KCMF1: variants seen among roughly 807,000 people sequenced by gnomAD.
KCMF1 encodes E3 ubiquitin-protein ligase KCMF1.
Under a neutral mutation model 41.1 loss-of-function variants are expected in KCMF1, and 3 were observed. The ratio of observed to expected loss-of-function variants is 0.07; its 90% CI spans 0.03 to 0.19. The LOEUF is 0.19. Ranked by LOEUF, KCMF1 falls within the 10% of genes least tolerant of loss-of-function variation. KCMF1 has a pLI of 1.00. For missense variants in KCMF1, 286 were observed against 488.9 expected (o/e 0.58, Z 3.91); for synonymous variants, 142 against 164.5 (o/e 0.86, Z 1.04).
intron 1 of KCMF1, among the ~76,000 whole-genome samples, chr2:84,980,476 C>T (rs1173565603): frequency 6.6e-6 from 1 of 152,198 alleles, no homozygotes; most frequent in Non-Finnish European, 1.5e-5. Context: ...CCTTGTTAGG[C>T]ACCTTCCACC....
intron 1 of KCMF1, among the ~76,000 whole-genome samples, chr2:84,992,464 C>T (rs1439768915): frequency 6.6e-6 from 1 of 152,034 alleles, no homozygotes; most frequent in African/African-American, 2.4e-5. Context: ...CCATGTTGGC[C>T]AGGCTGGTCT....
intron 1 of KCMF1, among the ~76,000 whole-genome samples, chr2:85,002,326 A>T (rs1279984839): frequency 6.6e-6 from 1 of 152,182 alleles, no homozygotes; most frequent in African/African-American, 2.4e-5. Context: ...TTAATCTTTG[A>T]CCATAACGCA....
chr2:84,994,102 C>T (rs1419798344), intron 1 of KCMF1, among the ~76,000 whole-genome samples: 1 of 151,924 alleles, frequency 6.6e-6, no homozygotes, highest in Non-Finnish European at 1.5e-5. Flanking sequence ...CACTCGCCAC[C>T]ATGCCCGGCT....
intron 1 of KCMF1, among the ~76,000 whole-genome samples, chr2:84,982,989 TA>T (rs755330761): frequency 6.6e-5 from 10 of 152,358 alleles, no homozygotes; most frequent in Admixed American, 2.0e-4. Flanking sequence ...AGTGTTCCTA[TA>T]TTAGATCAGT....
At chr2:84,974,658 CATATAT>C (rs71392939) in intron 1 of KCMF1, among the ~76,000 whole-genome samples, 410 of 29,318 alleles carry the variant, frequency 0.014, 13 homozygotes, top group East Asian at 0.078. Flanking sequence ...ATTTTAATTT[CATATAT>C]ATATATATAT....
intron 1 of KCMF1, among the ~76,000 whole-genome samples, chr2:85,023,327 T>TC (rs1674997154): frequency 6.7e-6 from 1 of 149,608 alleles, no homozygotes; most frequent in African/African-American, 2.5e-5. Context: ...CTTTTTTTTT[T>TC]TTTTTTTGAG....
intron 1 of KCMF1, among the ~76,000 whole-genome samples, chr2:84,988,049 C>T (rs1223862386): frequency 2.6e-5 from 4 of 151,640 alleles, no homozygotes; most frequent in South Asian, 2.1e-4. Context: ...GGAGAAATGC[C>T]GTCTCTACTA....
intron 1 of KCMF1, among the ~76,000 whole-genome samples, chr2:84,997,764 C>CTTTTTTTTTTTTTTTTTT (rs112460793): frequency 2.5e-5 from 2 of 80,268 alleles, no homozygotes; most frequent in Non-Finnish European, 4.6e-5. Flanking sequence ...AATACATTTT[C>CTTTTTTTTTTTTTTTTTT]TTTTTTTTTT....
At chr2:84,985,031 A>G (rs945171085) in intron 1 of KCMF1, among the ~76,000 whole-genome samples, 8 of 152,232 alleles carry the variant, frequency 5.3e-5, no homozygotes, top group Admixed American at 6.5e-5. Flanking sequence ...AGCCTATCTG[A>G]AGATGGACAT....
intron 1 of KCMF1, among the ~76,000 whole-genome samples, chr2:84,971,761 C>A (rs1673400426): frequency 6.6e-6 from 1 of 150,602 alleles, no homozygotes; most frequent in Non-Finnish European, 1.5e-5. Context: ...CCGTTACCGG[C>A]GGGAGCTCGG....
intron 1 of KCMF1, among the ~76,000 whole-genome samples, chr2:84,996,958 A>G (rs1033468872): frequency 2.0e-5 from 3 of 152,162 alleles, no homozygotes; most frequent in African/African-American, 7.2e-5. Flanking sequence ...AGGCTAAGCT[A>G]TTGCTCCTAG....
rs564874200 is a variant in KCMF1, at chr2:85,023,372, G to A, written c.17-4517G>A. Among the ~76,000 whole-genome samples, 3 of 136,720 alleles carry A rather than the reference G, an allele frequency of 2.2e-5. No individual in the cohort carries two copies. The South Asian group carries it at 7.0e-4, about 32-fold the overall frequency. The allele number at this position is 136,720 out of a possible 152,430, so 89.7% of individuals were successfully genotyped here. A position where few individuals can be genotyped will look rare whatever the true frequency, so the allele number is the denominator to read the frequency against. On this transcript the variant is annotated intron_variant, in intron 1 of 6. Coordinates refer to ENST00000409785, the MANE Select transcript of KCMF1 (RefSeq NM_020122.5). ...CGCACTTTCTCGCCCAGGCTGGAGT[G>A]CAGTGGCGCGATCTCAGCTCACTGC...
At chr2:85,037,572 T>C (rs1241601074) in intron 3 of KCMF1, among the ~76,000 whole-genome samples, 1 of 152,204 alleles carries the variant, frequency 6.6e-6, no homozygotes, top group African/African-American at 2.4e-5. Context: ...GTGTGTCCCC[T>C]CTCACCCCTC....
At chr2:85,051,298 C>T (rs1574045600) in intron 6 of KCMF1, among the ~76,000 whole-genome samples, 2 of 152,170 alleles carry the variant, frequency 1.3e-5, no homozygotes, top group African/African-American at 2.4e-5. Flanking sequence ...CTATAACATA[C>T]CAGATCTAAG....
intron 1 of KCMF1, among the ~76,000 whole-genome samples, chr2:84,996,641 G>A (rs564519953): frequency 9.8e-4 from 148 of 151,754 alleles, no homozygotes; most frequent in Non-Finnish European, 1.9e-3. Context: ...TCACCATGTT[G>A]GCCAGACTCG....
chr2:84,995,047 A>G (rs926279650), intron 1 of KCMF1, among the ~76,000 whole-genome samples: 2 of 148,658 alleles, frequency 1.3e-5, no homozygotes, highest in Non-Finnish European at 1.5e-5. Context: ...TTTGAGATGG[A>G]GTCTTGCTCT....
At chr2:85,024,647 T>A (rs1289791497) in intron 1 of KCMF1, among the ~76,000 whole-genome samples, 2 of 151,748 alleles carry the variant, frequency 1.3e-5, no homozygotes, top group East Asian at 3.9e-4. Context: ...AAGAAATTGT[T>A]TTCTACTTTA....
intron 1 of KCMF1, among the ~76,000 whole-genome samples, chr2:85,022,991 C>T (rs1352237132): frequency 6.6e-6 from 1 of 151,146 alleles, no homozygotes; most frequent in East Asian, 2.0e-4. Context: ...GGGTTCACGC[C>T]ATTCTCCTGC....
intron 1 of KCMF1, among the ~76,000 whole-genome samples, chr2:85,008,298 A>ATATG (rs1558573393): frequency 1.3e-5 from 1 of 77,936 alleles, no homozygotes; most frequent in Non-Finnish European, 2.3e-5. Flanking sequence ...TAATATATAT[A>ATATG]ATATATAATA....
Sources: gnomAD v4.1 joint callset for allele counts (sites outside exome capture counted in the v4.1 genomes callset) on GRCh38, gnomAD v4.1.1 for gene constraint, MANE v1.5 for transcripts, NCBI Gene and HGNC (gene_info 2026-07-23, HGNC 2026-07-21) for gene names.